Variants in AGBL5 observed in about 807,000 individuals in gnomAD.
The protein encoded by AGBL5 is AGBL carboxypeptidase 5, also known as cytosolic carboxypeptidase-like protein 5.
AGBL5 carries 51 observed loss-of-function variants against 88.0 expected under a neutral mutation model. The ratio of observed to expected loss-of-function variants is 0.58; its 90% CI spans 0.46 to 0.73. The LOEUF is 0.73. Ranked by LOEUF, AGBL5 falls within the 30% of genes least tolerant of loss-of-function variation. The pLI is 0.00. For synonymous variants in AGBL5, 446 were observed against 438.8 expected, an observed-to-expected ratio of 1.02 and a Z score of -0.21; for missense variants, 1,031 against 1,162.2, an observed-to-expected ratio of 0.89 and a Z score of 1.64.
At chr2:27,054,381 G>A (rs1185234120) in intron 4 of AGBL5, 8 of 551,596 alleles carry the variant, frequency 1.5e-5, no homozygotes, top group East Asian at 3.0e-5. Context: ...GAACAACTCC[G>A]ACTACATTAA....
chr2:27,054,981 G>A (rs1300207791), intron 5 of AGBL5, 94 bp from the exon 6 acceptor site: 78 of 1,501,434 alleles, frequency 5.2e-5, no homozygotes, highest in South Asian at 3.2e-4. Context: ...GAAATCCAGC[G>A]GCTATTCCTG....
intron 4 of AGBL5, chr2:27,054,294 G>A (rs772419054): frequency 3.1e-5 from 17 of 555,532 alleles, no homozygotes; most frequent in Admixed American, 7.1e-5. Context: ...CCTCTTACTA[G>A]CCCAGCTCCC....
intron 13 of AGBL5, 160 bp from the exon 14 acceptor site, chr2:27,069,413 C>T (rs1669164016): frequency 2.0e-6 from 2 of 984,722 alleles, no homozygotes; most frequent in Non-Finnish European, 2.4e-6. Context: ...ACTTCTCTGG[C>T]TATTATCTTG....
intron 12 of AGBL5, among the ~76,000 whole-genome samples, chr2:27,068,043 T>C (rs1402360088): frequency 6.6e-6 from 1 of 152,178 alleles, no homozygotes; most frequent in Admixed American, 6.5e-5. Context: ...ATGCTGTGTG[T>C]AGCCGTATCA....
intron 10 of AGBL5, among the ~76,000 whole-genome samples, chr2:27,058,836 C>G (rs1668570093): frequency 6.6e-6 from 1 of 152,240 alleles, no homozygotes; most frequent in Non-Finnish European, 1.5e-5. Context: ...TTGGGATTCA[C>G]TGCTGCAGAG....
In AGBL5 at chr2:27,066,234, CAAAAAAAA is replaced by C. The variant is rs5830033; in HGVS notation, c.2090-1247_2090-1240del. 5.3e-4 allele frequency among the ~76,000 whole-genome samples: 45 copies of C among 84,460 alleles called. 1 individual carries two copies. The highest frequency in any genetic ancestry group is 1.9e-3 in the African/African-American group (44 of 23,442). The allele number at this position is 84,460 out of a possible 152,430, so 55.4% of individuals were successfully genotyped here. A position where few individuals can be genotyped will look rare whatever the true frequency, so the allele number is the denominator to read the frequency against. On this transcript the variant is annotated intron_variant, in intron 11 of 14. Transcript: ENST00000360131. Reference sequence around the variant, plus strand: ...AGGTGACAGAGTGAGACCCTGTCTCCAAAAAAAAAAAAAAAAAAAACCTCAGGTGAATG... The same window carrying C: ...AGGTGACAGAGTGAGACCCTGTCTCCAAAAAAAAAAAACCTCAGGTGAATG...
At chr2:27,057,086 C>T (rs1668470892) in intron 8 of AGBL5, 2 of 564,802 alleles carry the variant, frequency 3.5e-6, no homozygotes, top group East Asian at 6.1e-5. Flanking sequence ...TCACAATTAG[C>T]ATTATTGTCT....
intron 12 of AGBL5, 99 bp downstream of exon 12, chr2:27,067,745 C>G: frequency 7.6e-7 from 1 of 1,319,282 alleles, no homozygotes; most frequent in Non-Finnish European, 1.1e-6. Flanking sequence ...CATCACTTAT[C>G]CTCTTGGTAT....
At position 27,053,067 on chromosome 2, in the gene AGBL5, G is replaced by GCAA. The variant is rs768411217; in HGVS notation, c.109_110insCAA (p.Gly37delinsAlaSer). 1.1e-5 allele frequency: 17 copies of GCAA among 1,613,748 alleles called. No individual in the cohort carries two copies. The highest frequency in any genetic ancestry group is 1.4e-5 in the Non-Finnish European group (17 of 1,179,910). On this transcript the variant is annotated protein_altering_variant, in exon 2 of 15. Transcript: ENST00000360131. The surrounding 1 kb of genome is among the most constrained non-coding windows in gnomAD (Gnocchi z 4.9). ...GTCCAGTGATGGGGAAGGGGTAGGA[G>GCAA]GTGGGGCGTCAGCCCTGACCAGTGG... is the stretch of plus-strand genomic sequence containing the variant.
chr2:27,070,215 T>A lies in AGBL5; in HGVS notation c.2613T>A (p.Val871=). The change falls in exon 15 of 15, where the codon GTT becomes GTA. Residue 871 remains valine, a synonymous_variant. Coordinates refer to ENST00000360131, the MANE Select transcript of AGBL5 (RefSeq NM_021831.6). ...GGGGTCCCTTGGGCCAACCTGAGGT[T>A]TGTTTTGTCCCTAAATCTCCCCCAC... ...YSRGPLGQPE[V]CFVPKSPPLT... The A allele has an allele frequency of 6.2e-7, 1 of 1,614,248 alleles. No homozygotes were observed. The highest frequency in any genetic ancestry group is 8.5e-7 in the Non-Finnish European group (1 of 1,180,038).
intron 11 of AGBL5, 147 bp from the exon 12 acceptor site, chr2:27,067,347 A>T: frequency 1.5e-6 from 1 of 684,648 alleles, no homozygotes. Context: ...ATCTTATATT[A>T]ATAGTTACTT....
At chr2:27,050,969 C>T (rs974884106), upstream of AGBL5, 2 of 152,236 alleles carry the variant, frequency 1.3e-5, no homozygotes, top group African/African-American at 2.4e-5. Context: ...GCCGTCAGTC[C>T]ATAGGGAACA....
At position 27,051,687 on chromosome 2, in the gene AGBL5, G is replaced by GC. The variant is rs1468637619; in HGVS notation, c.-152dup. 1 of 152,272 alleles carries GC rather than the reference G, an allele frequency of 6.6e-6. No homozygotes were observed. Among genetic ancestry groups the GC allele is most frequent in the Non-Finnish European group, 1.5e-5 (1 of 68,068 alleles). The allele number at this position is 152,272 out of a possible 1,614,324, so 9.4% of individuals were successfully genotyped here. The stretch of plus-strand genomic sequence containing the variant: ...CCTGGCAGAGCGGGGTCCCGGCACC[G>GC]CGGCGCTCGGGTGTTTTTGGGGGCC... On this transcript the variant is annotated 5_prime_UTR_variant, in exon 1 of 15. Transcript: ENST00000360131.
chr2:27,063,424 T>C (rs1195993392), intron 11 of AGBL5, among the ~76,000 whole-genome samples: 2 of 152,026 alleles, frequency 1.3e-5, no homozygotes, highest in African/African-American at 4.8e-5. Flanking sequence ...TGAAACCCCA[T>C]CTCTACTAAA....
chr2:27,053,764 A>T lies in AGBL5; in HGVS notation c.388-132A>T, dbSNP rs1668292334. On this transcript the variant is annotated intron_variant, in intron 3 of 14. Transcript: ENST00000360131. The surrounding 1 kb of genome is among the most constrained non-coding windows in gnomAD (Gnocchi z 4.9). Reference sequence around the variant, plus strand: ...GGAAGCCTAGAAGGAGCCACTTTTCATATAGAAAGTGTCACAGGGAGGGAA... The same window carrying T: ...GGAAGCCTAGAAGGAGCCACTTTTCTTATAGAAAGTGTCACAGGGAGGGAA... The T allele has an allele frequency of 7.1e-7, 1 of 1,413,330 alleles. No homozygotes were observed. Among genetic ancestry groups the T allele is most frequent in the African/African-American group, 1.4e-5 (1 of 69,618 alleles). 87.5% of individuals were successfully genotyped at this position (1,413,330 alleles called of 1,614,324 possible). A position where few individuals can be genotyped will look rare whatever the true frequency, so the allele number is the denominator to read the frequency against.
rs560647741 is a variant in AGBL5, at chr2:27,065,907, C to T, written c.2090-1587C>T. Among the ~76,000 whole-genome samples, 11 of 152,294 alleles carry T rather than the reference C, an allele frequency of 7.2e-5. No homozygotes were observed. In the South Asian group the frequency reaches 2.3e-3, roughly 32 times the overall value. The stretch of plus-strand genomic sequence containing the variant: ...CAGCATCCTACTAAGGATTTGCAGA[C>T]TGGAACTATAGTGGGCAAGGCTTTG... On this transcript the variant is annotated intron_variant, in intron 11 of 14. Transcript: ENST00000360131.
In AGBL5 at chr2:27,058,557, G is replaced by A. The variant is rs1668554822; in HGVS notation, c.1829G>A (p.Gly610Asp). 1 of 1,614,158 alleles carries A rather than the reference G, an allele frequency of 6.2e-7. No individual in the cohort carries two copies. The highest frequency in any genetic ancestry group is 1.7e-4 in the Middle Eastern group (1 of 6,034). The change falls in exon 10 of 15, where the codon GGT becomes GAT. Residue 610 changes from glycine (G) to aspartate (D), a missense_variant. Physicochemically the swap from Gly to Asp is moderately conservative, Grantham distance 94 (BLOSUM62 -1). Coordinates refer to ENST00000360131, the MANE Select transcript of AGBL5 (RefSeq NM_021831.6). ...SRGLSSTLNV[G>D]VNKKRGLRTP... is the part of the protein sequence containing the mutation. The stretch of plus-strand genomic sequence containing the variant: ...GGCCTAAGCAGCACTCTGAATGTGG[G>A]TGTCAACAAGAAGAGGGGCCTTCGA...
upstream of AGBL5, among the ~76,000 whole-genome samples, chr2:27,051,187 G>C (rs117238542): frequency 6.6e-6 from 1 of 152,156 alleles, no homozygotes; most frequent in Admixed American, 6.5e-5. Flanking sequence ...AACCTGTAAG[G>C]CAAAGGGAAA....
intron 11 of AGBL5, among the ~76,000 whole-genome samples, chr2:27,066,174 T>C (rs1396482650): frequency 1.4e-5 from 2 of 145,904 alleles, no homozygotes; most frequent in East Asian, 4.0e-4. Flanking sequence ...GTCAAGTTTG[T>C]AGTGAGCCAT....
Sources: gnomAD v4.1 joint callset for allele counts (sites outside exome capture counted in the v4.1 genomes callset) on GRCh38, gnomAD v4.1.1 for gene constraint, Gnocchi (gnomAD v3.1) non-coding constraint, MANE v1.5 for transcripts, NCBI Gene and HGNC (gene_info 2026-07-23, HGNC 2026-07-21) for gene names.